The following RAB3GAP2 variants were observed in gnomAD, a reference collection of about 807,000 sequenced individuals.
RAB3GAP2 encodes RAB3 GTPase activating non-catalytic protein subunit 2, also known as rab3 GTPase-activating protein non-catalytic subunit.
RAB3GAP2 carries 87 observed loss-of-function variants against 185.3 expected under a neutral mutation model. That is an observed-to-expected ratio of 0.47 (90% CI 0.39 to 0.56). RAB3GAP2 has a LOEUF of 0.56. Among genes scored for constraint, RAB3GAP2 ranks in the 20% least tolerant of loss-of-function variants. The pLI is 0.00. For synonymous variants in RAB3GAP2, 554 were observed against 576.1 expected, an observed-to-expected ratio of 0.96 and a Z score of 0.55; for missense variants, 1,492 against 1,638.2, an observed-to-expected ratio of 0.91 and a Z score of 1.54.
At chr1:220,218,373 T>C (rs1390732491) in intron 2 of RAB3GAP2, among the ~76,000 whole-genome samples, 4 of 152,126 alleles carry the variant, frequency 2.6e-5, no homozygotes, top group African/African-American at 9.7e-5. Flanking sequence ...TACGATAATA[T>C]TATTATATCA....
intron 4 of RAB3GAP2, among the ~76,000 whole-genome samples, chr1:220,212,177 T>C (rs1280036547): frequency 6.6e-6 from 1 of 152,204 alleles, no homozygotes; most frequent in African/African-American, 2.4e-5. Context: ...TAAGTGTTTA[T>C]GAGTTTTAAG....
chr1:220,169,613 G>C (rs1256137075), intron 24 of RAB3GAP2, among the ~76,000 whole-genome samples: 1 of 152,148 alleles, frequency 6.6e-6, no homozygotes. Flanking sequence ...AATCTAGGAA[G>C]CAAATGAGAA....
intron 2 of RAB3GAP2, among the ~76,000 whole-genome samples, chr1:220,217,545 A>G (rs1166454656): frequency 6.6e-6 from 1 of 152,076 alleles, no homozygotes; most frequent in Non-Finnish European, 1.5e-5. Flanking sequence ...CTACCTGTTT[A>G]TTCTGTGACT....
intron 17 of RAB3GAP2, among the ~76,000 whole-genome samples, chr1:220,186,312 T>C (rs1658506722): frequency 1.3e-5 from 2 of 152,222 alleles, no homozygotes; most frequent in Admixed American, 6.5e-5. Context: ...TATCAGAAGT[T>C]AAAGGTCATA....
chr1:220,272,391 C>A lies in RAB3GAP2; in HGVS notation c.-54G>T, dbSNP rs1423860707. On this transcript the variant is annotated 5_prime_UTR_variant, in exon 1 of 35. The change creates a new upstream start codon in the 5' untranslated region. Coordinates refer to ENST00000358951, the MANE Select transcript of RAB3GAP2 (RefSeq NM_012414.4). ...ACCTTACCTCACCACGCCCTGCCCC[C>A]TCCACCCCACTGCGGCCGCCACCGA... The A allele has an allele frequency of 7.7e-7, 1 of 1,299,496 alleles. No individual in the cohort carries two copies. Among genetic ancestry groups the A allele is most frequent in the Non-Finnish European group, 1.1e-6 (1 of 912,852 alleles). The allele number at this position is 1,299,496 out of a possible 1,614,324, so 80.5% of individuals were successfully genotyped here. A position where few individuals can be genotyped will look rare whatever the true frequency, so the allele number is the denominator to read the frequency against.
chr1:220,185,532 T>C (rs1215242440), intron 18 of RAB3GAP2, 119 bp downstream of exon 18: 1 of 693,944 alleles, frequency 1.4e-6, no homozygotes, highest in Non-Finnish European at 2.5e-6. Context: ...ATTTCTTATA[T>C]CTATATTACT....
In RAB3GAP2 at chr1:220,192,144, G is replaced by A. The variant is rs1465194470; in HGVS notation, c.1271-860C>T. Among the ~76,000 whole-genome samples, 4 of 152,164 alleles carry A rather than the reference G, an allele frequency of 2.6e-5. No individual in the cohort carries two copies. The East Asian group carries it at 5.8e-4, about 22-fold the overall frequency. On this transcript the variant is annotated intron_variant, in intron 13 of 34. Transcript: ENST00000358951. ...GAGCAGTCAGTACAGCTTCGTCTTC[G>A]TATTTTAGAAAAGTCTTGCTGAGAA... is the stretch of plus-strand genomic sequence containing the variant.
rs144715881 is a variant in RAB3GAP2, at chr1:220,209,354, C to T, written c.612+1034G>A. Among the ~76,000 whole-genome samples, 56 of 152,184 alleles carry T rather than the reference C, an allele frequency of 3.7e-4. 1 individual carries two copies. The East Asian group carries it at 7.5e-3, about 21-fold the overall frequency. ...GTTGTTGCATATATAGTTCTACATT[C>T]GAATCTTCTCTCAAATCTTCTCCTG... is the stretch of plus-strand genomic sequence containing the variant. On this transcript the variant is annotated intron_variant, in intron 7 of 34. Transcript: ENST00000358951.
intron 1 of RAB3GAP2, among the ~76,000 whole-genome samples, chr1:220,244,213 A>T (rs776976811): frequency 6.6e-6 from 1 of 152,208 alleles, no homozygotes; most frequent in Non-Finnish European, 1.5e-5. Flanking sequence ...TAAAGTCTAC[A>T]GTTACCAAAT....
intron 2 of RAB3GAP2, among the ~76,000 whole-genome samples, chr1:220,219,791 C>A (rs1659271433): frequency 6.6e-6 from 1 of 152,128 alleles, no homozygotes; most frequent in Non-Finnish European, 1.5e-5. Context: ...TCACAATGAG[C>A]TAGTATTAGG....
intron 1 of RAB3GAP2, among the ~76,000 whole-genome samples, chr1:220,235,463 C>T (rs917676530): frequency 6.6e-6 from 1 of 152,046 alleles, no homozygotes. Context: ...TTTTAAATTG[C>T]TATAAAAATA....
At chr1:220,202,011 A>G (rs1658869707) in intron 9 of RAB3GAP2, among the ~76,000 whole-genome samples, 3 of 152,018 alleles carry the variant, frequency 2.0e-5, no homozygotes, top group African/African-American at 7.2e-5. Flanking sequence ...TTAAAAATAC[A>G]AAAATCAGCC....
chr1:220,256,920 T>G lies in RAB3GAP2; in HGVS notation c.115+15303A>C, dbSNP rs1205464028. On this transcript the variant is annotated intron_variant, in intron 1 of 34. Transcript: ENST00000358951. ...GACTTGATAGATATCTACAGAAATC[T>G]CCACCCAAATTCAACTGCATATGCA... Among the ~76,000 whole-genome samples the G allele has an allele frequency of 5.3e-5, 8 of 152,174 alleles. No homozygotes were observed. The East Asian group carries it at 1.3e-3, about 26-fold the overall frequency.
intron 1 of RAB3GAP2, among the ~76,000 whole-genome samples, chr1:220,239,433 G>A (rs1022043299): frequency 6.6e-6 from 1 of 152,136 alleles, no homozygotes; most frequent in African/African-American, 2.4e-5. Flanking sequence ...GTTTCACCAT[G>A]TTGACCAGGT....
chr1:220,212,744 T>G, intron 4 of RAB3GAP2, 143 bp downstream of exon 4: 1 of 721,500 alleles, frequency 1.4e-6, no homozygotes, highest in South Asian at 1.6e-5. Flanking sequence ...CTTCCTGCCT[T>G]GGCTTCCCAA....
chr1:220,230,344 T>C (rs1401363717), intron 2 of RAB3GAP2, among the ~76,000 whole-genome samples: 1 of 152,188 alleles, frequency 6.6e-6, no homozygotes, highest in Non-Finnish European at 1.5e-5. Context: ...ATAGTTTAAA[T>C]CCGGAGTAAG....
Position 220,189,742 on chromosome 1 carries a change from TTCC to T in RAB3GAP2, c.1737_1739del (p.Glu580del). The T allele has an allele frequency of 6.5e-7, 1 of 1,535,626 alleles. No homozygotes were observed. The highest frequency in any genetic ancestry group is 8.9e-7 in the Non-Finnish European group (1 of 1,123,750). ...CAGGGTATTTAATATCAAGAATTAA[TTCC>T]TTTATTTCTGTTTCAACCAAATCTA... is the stretch of plus-strand genomic sequence containing the variant. On this transcript the variant is annotated inframe_deletion, in exon 17 of 35. Transcript: ENST00000358951.
chr1:220,213,731 T>TG (rs1659126671), intron 3 of RAB3GAP2, 125 bp downstream of exon 3: 3 of 607,376 alleles, frequency 4.9e-6, no homozygotes, highest in Non-Finnish European at 4.7e-6. Flanking sequence ...GGAGGAGGAG[T>TG]TGGGGGGGGG....
At chr1:220,266,804 C>G in intron 1 of RAB3GAP2, 1 of 1,595,012 alleles carries the variant, frequency 6.3e-7, no homozygotes, top group African/African-American at 1.3e-5. Context: ...GAGCATTGGC[C>G]TCTGGCTGGG....
Sources: allele counts gnomAD v4.1 joint callset (sites outside exome capture counted in the v4.1 genomes callset), GRCh38; gene constraint gnomAD v4.1.1; transcripts MANE v1.5; gene names NCBI Gene and HGNC (gene_info 2026-07-23, HGNC 2026-07-21).